The following DPP10 variants were observed in gnomAD, a reference collection of about 807,000 sequenced individuals.
DPP10 encodes the protein inactive dipeptidyl peptidase 10.
Under a neutral mutation model 120.9 loss-of-function variants are expected in DPP10, and 33 were observed. That is an observed-to-expected ratio of 0.27 (90% CI 0.21 to 0.37). The LOEUF is 0.37. Ranked by LOEUF, DPP10 falls within the 10% of genes least tolerant of loss-of-function variation. The probability of loss-of-function intolerance (pLI) is 1.00; values close to 1 mark genes in which losing one functional copy is unlikely to be tolerated. For synonymous variants in DPP10, 337 were observed against 326.1 expected, an observed-to-expected ratio of 1.03 and a Z score of -0.36; for missense variants, 816 against 942.8, an observed-to-expected ratio of 0.87 and a Z score of 1.76.
chr2:115,550,861 A>G lies in DPP10; in HGVS notation c.441+24889A>G, dbSNP rs376502521. Among the ~76,000 whole-genome samples, 16 of 152,304 alleles carry G rather than the reference A, an allele frequency of 1.1e-4. No homozygotes were observed. The East Asian group carries it at 3.1e-3, about 29-fold the overall frequency. On this transcript the variant is annotated intron_variant, in intron 5 of 25. Coordinates refer to ENST00000410059, the MANE Select transcript of DPP10 (RefSeq NM_020868.6). ...ATATTGTGTTTGTCTCCTTGTTTAA[A>G]GAACTGAACTCCGTAGTAGTAATCT...
chr2:114,846,826 G>T (rs934840451), intron 1 of DPP10, among the ~76,000 whole-genome samples: 2 of 152,128 alleles, frequency 1.3e-5, no homozygotes, highest in African/African-American at 2.4e-5. Context: ...TCTCCAAATT[G>T]TGCTTCATTG....
intron 1 of DPP10, among the ~76,000 whole-genome samples, chr2:114,577,526 G>A (rs1476182539): frequency 6.6e-6 from 1 of 152,096 alleles, no homozygotes; most frequent in East Asian, 1.9e-4. Context: ...GGCCGGAGGG[G>A]CTCTTTTTTG....
chr2:114,836,864 A>C (rs1272447227), intron 1 of DPP10, among the ~76,000 whole-genome samples: 1 of 152,216 alleles, frequency 6.6e-6, no homozygotes, highest in East Asian at 1.9e-4. Flanking sequence ...TTCCTTGCTG[A>C]GAAAAATAAT....
At chr2:114,822,110 G>A (rs986518491) in intron 1 of DPP10, among the ~76,000 whole-genome samples, 1 of 152,154 alleles carries the variant, frequency 6.6e-6, no homozygotes, top group Non-Finnish European at 1.5e-5. Flanking sequence ...CACTGCCCTA[G>A]CAGAGGTTCT....
intron 5 of DPP10, among the ~76,000 whole-genome samples, chr2:115,560,445 T>TAC (rs1558850456): frequency 1.2e-5 from 1 of 86,228 alleles, no homozygotes; most frequent in African/African-American, 4.9e-5. Flanking sequence ...TATATATATA[T>TAC]ACGACAAGCT....
At position 115,015,253 on chromosome 2, in the gene DPP10, C is replaced by T. The variant is rs560295497; in HGVS notation, c.61-293986C>T. ...TAAACAGAACCAATGACAAAAACCACATGATTATTTCAATAGATGCAGAAA... is the reference window on the plus strand; with the variant it reads ...TAAACAGAACCAATGACAAAAACCATATGATTATTTCAATAGATGCAGAAA... On this transcript the variant is annotated intron_variant, in intron 1 of 25. Transcript: ENST00000410059. Among the ~76,000 whole-genome samples, 472 of 152,280 alleles carry T rather than the reference C, an allele frequency of 3.1e-3. 4 individuals are homozygous for T. Among genetic ancestry groups the T allele is most frequent in the African/African-American group, 0.011 (445 of 41,564 alleles).
At chr2:114,878,351 C>T (rs957916567) in intron 1 of DPP10, among the ~76,000 whole-genome samples, 1 of 152,040 alleles carries the variant, frequency 6.6e-6, no homozygotes, top group Non-Finnish European at 1.5e-5. Flanking sequence ...TATTCTGATA[C>T]ATGCATACAA....
chr2:114,848,127 C>T lies in DPP10; in HGVS notation c.60+405289C>T, dbSNP rs147878827. On this transcript the variant is annotated intron_variant, in intron 1 of 25. Transcript: ENST00000410059. ...TGATTTGGAGCTGTTTAAGGATGGC[C>T]CGAGTTTATAAAACAGAACATAGAT... Among the ~76,000 whole-genome samples, 92 of 152,180 alleles carry T rather than the reference C, an allele frequency of 6.0e-4. No homozygotes were observed. In the East Asian group the frequency reaches 0.017, roughly 28 times the overall value.
chr2:114,678,633 T>A (rs1195504390), intron 1 of DPP10, among the ~76,000 whole-genome samples: 1 of 151,436 alleles, frequency 6.6e-6, no homozygotes, highest in East Asian at 1.9e-4. Flanking sequence ...GCAACCATTA[T>A]TTTTTTTTAA....
intron 1 of DPP10, among the ~76,000 whole-genome samples, chr2:114,534,448 T>A (rs1451009162): frequency 6.6e-6 from 1 of 152,198 alleles, no homozygotes; most frequent in Non-Finnish European, 1.5e-5. Context: ...TTGTCTGGTA[T>A]GTTGTCAACT....
intron 5 of DPP10, among the ~76,000 whole-genome samples, chr2:115,531,627 G>A (rs1197535699): frequency 6.6e-6 from 1 of 152,036 alleles, no homozygotes; most frequent in African/African-American, 2.4e-5. Context: ...GAAGTTGGAA[G>A]AAAATATGTG....
At chr2:115,468,557 A>C (rs2074478200) in intron 3 of DPP10, 1 of 418,198 alleles carries the variant, frequency 2.4e-6, no homozygotes, top group Admixed American at 2.8e-5. Flanking sequence ...GAGCTCACTC[A>C]GTGGGGCTAA....
intron 5 of DPP10, among the ~76,000 whole-genome samples, chr2:115,594,026 G>A (rs912824924): frequency 6.6e-6 from 1 of 152,086 alleles, no homozygotes; most frequent in Non-Finnish European, 1.5e-5. Context: ...AGATTCTTAG[G>A]CCTGTCAGAA....
intron 1 of DPP10, among the ~76,000 whole-genome samples, chr2:114,960,842 G>A (rs1007236950): frequency 6.6e-6 from 1 of 152,062 alleles, no homozygotes; most frequent in African/African-American, 2.4e-5. Context: ...CTTTGAGAAA[G>A]ATTCTATACA....
At chr2:115,767,516 G>GTA (rs976974689) in intron 12 of DPP10, among the ~76,000 whole-genome samples, 6 of 150,882 alleles carry the variant, frequency 4.0e-5, no homozygotes, top group African/African-American at 7.3e-5. Context: ...TAGTGTGTGT[G>GTA]TATATATATA....
Position 115,697,776 on chromosome 2 carries a change from G to T in DPP10, c.576+7855G>T, listed in dbSNP as rs1381709457. On this transcript the variant is annotated intron_variant, in intron 7 of 25. Transcript: ENST00000410059. The stretch of plus-strand genomic sequence containing the variant: ...TGAGGCGGGCGGATCACGAGGTCGG[G>T]AGATCGAGACCATCCTGGCTAACAC... Among the ~76,000 whole-genome samples, 3 of 152,088 alleles carry T rather than the reference G, an allele frequency of 2.0e-5. No homozygotes were observed. The East Asian group carries it at 5.8e-4, about 30-fold the overall frequency.
chr2:115,697,754 G>A (rs1430082583), intron 7 of DPP10, among the ~76,000 whole-genome samples: 1 of 152,098 alleles, frequency 6.6e-6, no homozygotes, highest in East Asian at 1.9e-4. Context: ...AGGAGGCTGA[G>A]GCGGGCGGAT....
chr2:115,162,331 G>A (rs1425256123), intron 1 of DPP10: 7 of 1,458,664 alleles, frequency 4.8e-6, no homozygotes, highest in Middle Eastern at 2.3e-4. Flanking sequence ...GGAGGGAGAG[G>A]CGGCCGGGAC....
chr2:115,505,431 A>G (rs987324023), intron 4 of DPP10, among the ~76,000 whole-genome samples: 9 of 152,204 alleles, frequency 5.9e-5, no homozygotes, highest in Admixed American at 4.6e-4. Context: ...TGATTTTTTT[A>G]GAAGATTCTT....
Sources: allele counts gnomAD v4.1 joint callset (sites outside exome capture counted in the v4.1 genomes callset), GRCh38; gene constraint gnomAD v4.1.1; transcripts MANE v1.5; gene names NCBI Gene and HGNC (gene_info 2026-07-23, HGNC 2026-07-21).